The following VWA3B variants were observed in gnomAD, a reference collection of about 807,000 sequenced individuals.
VWA3B encodes the protein von Willebrand factor A domain-containing protein 3B.
In VWA3B, 138 loss-of-function variants were observed where a neutral mutation model predicts 158.3. That is an observed-to-expected ratio of 0.87 (90% CI 0.76 to 1.00). The LOEUF (loss-of-function observed/expected upper bound fraction) is 1.00, where lower values mean the gene tolerates loss of function less well. VWA3B is among the 50% of genes least tolerant of loss of function. The pLI is 0.00. For missense variants in VWA3B, 1,555 were observed against 1,565.1 expected (o/e 0.99, Z 0.11); for synonymous variants, 596 against 587.3 (o/e 1.01, Z -0.21).
chr2:98,242,000 GATGTAT>G (rs769777054), intron 19 of VWA3B, among the ~76,000 whole-genome samples: 4 of 152,140 alleles, frequency 2.6e-5, no homozygotes, highest in African/African-American at 4.8e-5. Context: ...CACCTCATGG[GATGTAT>G]ACCTTTTTGA....
At chr2:98,311,504 C>T (rs1173862090) in intron 26 of VWA3B, among the ~76,000 whole-genome samples, 1 of 152,162 alleles carries the variant, frequency 6.6e-6, no homozygotes, top group Admixed American at 6.5e-5. Flanking sequence ...CTGGGGCGGA[C>T]ACAGGTCTAT....
At chr2:98,110,155 G>T (rs1674030668) in intron 2 of VWA3B, among the ~76,000 whole-genome samples, 1 of 146,450 alleles carries the variant, frequency 6.8e-6, no homozygotes. Context: ...TATGAACATT[G>T]GATCTTTAAA....
chr2:98,128,979 T>C (rs1189072177), intron 6 of VWA3B, among the ~76,000 whole-genome samples: 1 of 152,260 alleles, frequency 6.6e-6, no homozygotes, highest in Non-Finnish European at 1.5e-5. Flanking sequence ...CGTGGCACGC[T>C]GTGCCCCTCT....
At chr2:98,111,214 G>C (rs1032675404) in intron 2 of VWA3B, among the ~76,000 whole-genome samples, 1 of 152,032 alleles carries the variant, frequency 6.6e-6, no homozygotes, top group Non-Finnish European at 1.5e-5. Context: ...TTGTTTCTGA[G>C]TTATTTCATT....
chr2:98,260,260 C>G (rs1440546656), intron 21 of VWA3B, among the ~76,000 whole-genome samples: 1 of 151,654 alleles, frequency 6.6e-6, no homozygotes, highest in Non-Finnish European at 1.5e-5. Context: ...TTCTAGTCCT[C>G]TATTTTCTTA....
intron 3 of VWA3B, 47 bp from the exon 4 acceptor site, chr2:98,119,466 C>G (rs766484003): frequency 1.2e-6 from 2 of 1,601,374 alleles, no homozygotes; most frequent in South Asian, 2.2e-5. Flanking sequence ...GTTCAAATGA[C>G]TTATTTTGGT....
intron 7 of VWA3B, among the ~76,000 whole-genome samples, chr2:98,158,618 C>T (rs1223918175): frequency 2.6e-5 from 4 of 152,122 alleles, no homozygotes; most frequent in African/African-American, 4.8e-5. Flanking sequence ...GCGGCCCGAG[C>T]GTGTCCTGGC....
At chr2:98,236,790 A>C (rs976306335) in intron 19 of VWA3B, 60 bp downstream of exon 19, 39 of 1,551,768 alleles carry the variant, frequency 2.5e-5, no homozygotes, top group Non-Finnish European at 3.2e-5. Context: ...CTCAAATAAA[A>C]AGTAGTCCAA....
At chr2:98,296,585 T>C (rs1294109093) in intron 23 of VWA3B, among the ~76,000 whole-genome samples, 1 of 152,224 alleles carries the variant, frequency 6.6e-6, no homozygotes, top group Non-Finnish European at 1.5e-5. Flanking sequence ...GCTATCTCTT[T>C]GCCCCATGAG....
At chr2:98,101,649 A>G (rs777828253) in intron 2 of VWA3B, among the ~76,000 whole-genome samples, 4 of 152,212 alleles carry the variant, frequency 2.6e-5, no homozygotes, top group Non-Finnish European at 4.4e-5. Context: ...TTGGAGGCCC[A>G]TTCAAATGGC....
intron 21 of VWA3B, among the ~76,000 whole-genome samples, chr2:98,260,939 T>G (rs1357146089): frequency 6.6e-6 from 1 of 151,752 alleles, no homozygotes; most frequent in Admixed American, 6.6e-5. Context: ...AGTGAATCTC[T>G]TTTTAAGCAC....
rs370277769 is a variant in VWA3B at position 98,199,632 on chromosome 2, G to C, written c.1737+5140G>C. Among the ~76,000 whole-genome samples, 455 of 152,258 alleles carry C rather than the reference G, an allele frequency of 3.0e-3. 2 individuals carry two copies. Among genetic ancestry groups the C allele is most frequent in the African/African-American group, 0.01 (435 of 41,550 alleles). The stretch of plus-strand genomic sequence containing the variant: ...TTCTATAATGGACTGTGAGCATGCT[G>C]GTCCTTCGCTCCAGAGTTAGGTATT... On this transcript the variant is annotated intron_variant, in intron 12 of 27. Coordinates refer to ENST00000477737, the MANE Select transcript of VWA3B (RefSeq NM_144992.5).
At chr2:98,135,431 G>C (rs1374556425) in intron 7 of VWA3B, among the ~76,000 whole-genome samples, 5 of 137,568 alleles carry the variant, frequency 3.6e-5, no homozygotes, top group Admixed American at 1.5e-4. Flanking sequence ...CGCCTCCCGG[G>C]TTCACGCCAT....
intron 2 of VWA3B, among the ~76,000 whole-genome samples, chr2:98,098,116 G>T (rs914645525): frequency 1.3e-5 from 2 of 151,914 alleles, no homozygotes; most frequent in Non-Finnish European, 2.9e-5. Flanking sequence ...CTCAAATTTG[G>T]TAAGACTTGT....
At chr2:98,121,824 C>T (rs1178813860) in intron 5 of VWA3B, 11 of 196,338 alleles carry the variant, frequency 5.6e-5, no homozygotes, top group Non-Finnish European at 9.6e-5. Context: ...TGCTCTCCTA[C>T]CAATTAGATC....
chr2:98,297,208 A>C (rs1689861578), intron 23 of VWA3B, among the ~76,000 whole-genome samples: 1 of 151,896 alleles, frequency 6.6e-6, no homozygotes, highest in East Asian at 1.9e-4. Flanking sequence ...CAGCCTCCCG[A>C]GTAGCTGGGA....
chr2:98,272,476 T>C (rs1173333008), intron 22 of VWA3B, among the ~76,000 whole-genome samples: 1 of 152,136 alleles, frequency 6.6e-6, no homozygotes, highest in East Asian at 1.9e-4. Flanking sequence ...CCTTTTGGGT[T>C]CTTATGGAGG....
chr2:98,236,705 A>G lies in VWA3B; in HGVS notation c.2648A>G (p.His883Arg), dbSNP rs1466154894. ...SSTYVPVLDK[H>R]VVSKVFDEVF... ...ACCTATGTTCCCGTCCTGGACAAGC[A>G]TGTCGTGTCTAAGGTCTTTGATGAG... Residue 883 changes from histidine to arginine, a missense_variant, in exon 19 of 28, where the codon CAT (histidine) becomes CGT (arginine). Physicochemically the swap from His to Arg is conservative, Grantham distance 29. Transcript: ENST00000477737. 3 of 1,614,178 alleles carry G rather than the reference A, an allele frequency of 1.9e-6. No individual in the cohort carries two copies. Among genetic ancestry groups the G allele is most frequent in the Non-Finnish European group, 2.5e-6 (3 of 1,180,022 alleles).
chr2:98,304,125 C>A (rs1410669302), intron 26 of VWA3B, among the ~76,000 whole-genome samples: 2 of 152,170 alleles, frequency 1.3e-5, no homozygotes, highest in Non-Finnish European at 2.9e-5. Context: ...GGTCCAGTCA[C>A]CTACCTACCT....
Sources: gnomAD v4.1 joint callset for allele counts (sites outside exome capture counted in the v4.1 genomes callset) on GRCh38, gnomAD v4.1.1 for gene constraint, MANE v1.5 for transcripts, NCBI Gene and HGNC (gene_info 2026-07-23, HGNC 2026-07-21) for gene names.